SLC35F4: variants seen among roughly 807,000 people sequenced by gnomAD.
The protein encoded by SLC35F4 is chromosome 14 open reading frame 36.
A neutral mutation model predicts 44.2 loss-of-function variants in SLC35F4; 24 were observed. The ratio of observed to expected loss-of-function variants is 0.54; its 90% confidence interval spans 0.39 to 0.76. SLC35F4 has a LOEUF of 0.76. SLC35F4 is among the 30% of genes least tolerant of loss of function. The pLI is 0.00. For synonymous variants in SLC35F4, 238 were observed against 223.6 expected (o/e 1.06, Z -0.57); for missense variants, 562 against 586.1 (o/e 0.96, Z 0.42).
At chr14:57,742,302 C>T (rs1481061346) in intron 1 of SLC35F4, among the ~76,000 whole-genome samples, 2 of 152,190 alleles carry the variant, frequency 1.3e-5, no homozygotes, top group Non-Finnish European at 2.9e-5. Context: ...AGTCAAGACC[C>T]ATCAGTGTGC....
chr14:57,685,842 C>G (rs901436292), intron 1 of SLC35F4, among the ~76,000 whole-genome samples: 1 of 152,180 alleles, frequency 6.6e-6, no homozygotes, highest in African/African-American at 2.4e-5. Flanking sequence ...AGGGACTCTT[C>G]TCACTGCTGC....
intron 1 of SLC35F4, among the ~76,000 whole-genome samples, chr14:57,694,384 A>G (rs1482514445): frequency 6.6e-6 from 1 of 152,196 alleles, no homozygotes; most frequent in Non-Finnish European, 1.5e-5. Context: ...AAACAGGATC[A>G]GATATCACTT....
intron 1 of SLC35F4, among the ~76,000 whole-genome samples, chr14:57,644,933 A>G (rs932797598): frequency 1.3e-5 from 2 of 152,068 alleles, no homozygotes; most frequent in African/African-American, 4.8e-5. Context: ...ATAGTTGTAG[A>G]TATGTGGCAT....
intron 5 of SLC35F4, 136 bp from the exon 6 acceptor site, chr14:57,570,116 A>C (rs1306674761): frequency 4.3e-6 from 3 of 701,846 alleles, no homozygotes; most frequent in Non-Finnish European, 6.8e-6. Flanking sequence ...TCTTCACAGC[A>C]CTAGATGGGC....
chr14:57,621,189 C>T (rs1191971945), intron 1 of SLC35F4, among the ~76,000 whole-genome samples: 3 of 151,232 alleles, frequency 2.0e-5, no homozygotes, highest in African/African-American at 7.3e-5. Context: ...AATGGAAGAA[C>T]ATTCCATGCT....
intron 1 of SLC35F4, among the ~76,000 whole-genome samples, chr14:57,945,905 G>A (rs892305347): frequency 6.6e-6 from 1 of 151,850 alleles, no homozygotes; most frequent in Non-Finnish European, 1.5e-5. Flanking sequence ...ATGTCTGTTG[G>A]CCATTTGTAT....
chr14:57,700,699 C>T (rs1057422272), intron 1 of SLC35F4, among the ~76,000 whole-genome samples: 3 of 151,802 alleles, frequency 2.0e-5, no homozygotes, highest in Non-Finnish European at 4.4e-5. Flanking sequence ...TCCAGGGGTT[C>T]GAGACCAGGC....
chr14:57,790,603 A>G (rs1470085353), intron 1 of SLC35F4, among the ~76,000 whole-genome samples: 2 of 152,198 alleles, frequency 1.3e-5, no homozygotes, highest in East Asian at 3.9e-4. Flanking sequence ...TCAAGCTACC[A>G]TTGACTTTCT....
intron 1 of SLC35F4, among the ~76,000 whole-genome samples, chr14:57,965,717 G>A (rs1890426873): frequency 6.6e-6 from 1 of 152,210 alleles, no homozygotes. Context: ...CTAAAAGGCT[G>A]GAGGTCCTAA....
rs758805273 is a variant in SLC35F4 at position 57,572,018 on chromosome 14, A to G, written c.809T>C (p.Ile270Thr). The G allele has an allele frequency of 5.6e-6, 9 of 1,608,664 alleles. No homozygotes were observed. In the Middle Eastern group the frequency reaches 6.6e-4, roughly 118 times the overall value. The stretch of plus-strand genomic sequence containing the variant: ...GGTAATTGCCATTATTGCAGCAACT[A>G]TCTGTCAAATAGGATGCAAAGAAAC... ...VLKDRFMGVR[I>T]VAAIMAITGI... The change falls in exon 5 of 8, where the codon ATA becomes ACA. Residue 270 changes from isoleucine (I) to threonine (T), a missense_variant and splice_region_variant. Physicochemically the swap from Ile to Thr is moderately conservative, Grantham distance 89 (BLOSUM62 -1). Transcript: ENST00000556826.
chr14:57,935,738 CAG>C (rs1366519136), intron 1 of SLC35F4, among the ~76,000 whole-genome samples: 1 of 152,166 alleles, frequency 6.6e-6, no homozygotes, highest in Non-Finnish European at 1.5e-5. Context: ...CCTGTTTCTC[CAG>C]AGACATAAAC....
chr14:57,753,768 C>T (rs1397712359), intron 1 of SLC35F4, among the ~76,000 whole-genome samples: 1 of 152,148 alleles, frequency 6.6e-6, no homozygotes, highest in Non-Finnish European at 1.5e-5. Flanking sequence ...TGTCCCTCTT[C>T]TTTAGGGTGG....
chr14:57,909,541 T>TACACAC (rs56024301), intron 1 of SLC35F4, among the ~76,000 whole-genome samples: 24 of 148,540 alleles, frequency 1.6e-4, no homozygotes, highest in East Asian at 5.9e-4. Flanking sequence ...CAGTTGGAAA[T>TACACAC]ACACACACAC....
At chr14:57,888,286 C>G (rs808220) in intron 1 of SLC35F4, among the ~76,000 whole-genome samples, 25,565 of 152,098 alleles carry the variant, frequency 0.17, 2,280 homozygotes, top group South Asian at 0.23. Context: ...TTCATAAAAC[C>G]CACACACTTG....
intron 1 of SLC35F4, among the ~76,000 whole-genome samples, chr14:57,642,969 G>A (rs2073318041): frequency 6.6e-6 from 1 of 151,862 alleles, no homozygotes; most frequent in Non-Finnish European, 1.5e-5. Context: ...ATCTACTCTA[G>A]CATTTTAGAT....
chr14:57,834,297 A>T (rs998969680), intron 1 of SLC35F4, among the ~76,000 whole-genome samples: 1 of 152,218 alleles, frequency 6.6e-6, no homozygotes, highest in Non-Finnish European at 1.5e-5. Context: ...TTCACTGAAT[A>T]ACTACAGCAC....
At chr14:57,701,393 A>G (rs1208454098) in intron 1 of SLC35F4, among the ~76,000 whole-genome samples, 1 of 152,232 alleles carries the variant, frequency 6.6e-6, no homozygotes, top group Non-Finnish European at 1.5e-5. Context: ...AAAAATGAGT[A>G]AAAGTAGTAC....
intron 1 of SLC35F4, among the ~76,000 whole-genome samples, chr14:57,924,197 T>C (rs192421148): frequency 8.5e-5 from 13 of 152,340 alleles, no homozygotes; most frequent in African/African-American, 2.4e-4. Flanking sequence ...CTCAGGTATG[T>C]CTTCATCAGC....
At chr14:57,713,028 A>G (rs1367407394) in intron 1 of SLC35F4, among the ~76,000 whole-genome samples, 2 of 152,186 alleles carry the variant, frequency 1.3e-5, no homozygotes, top group East Asian at 3.8e-4. Flanking sequence ...AACTTAAAAA[A>G]AATCCCGAAT....
Sources: allele counts gnomAD v4.1 joint callset (sites outside exome capture counted in the v4.1 genomes callset), GRCh38; gene constraint gnomAD v4.1.1; transcripts MANE v1.5; gene names NCBI Gene and HGNC (gene_info 2026-07-23, HGNC 2026-07-21).